The following CDH12 variants were observed in gnomAD, a reference collection of about 807,000 sequenced individuals.
The protein encoded by CDH12 is cadherin 12.
Under a neutral mutation model 74.1 loss-of-function variants are expected in CDH12, and 41 were observed. That is an observed-to-expected ratio of 0.55 (90% confidence interval 0.43 to 0.72). The LOEUF (loss-of-function observed/expected upper bound fraction) is 0.72, where lower values mean the gene tolerates loss of function less well. Among genes scored for constraint, CDH12 ranks in the 30% least tolerant of loss-of-function variants. The pLI is 0.00. For synonymous variants in CDH12, 399 were observed against 355.0 expected, an observed-to-expected ratio of 1.12 and a Z score of -1.39; for missense variants, 945 against 977.2, an observed-to-expected ratio of 0.97 and a Z score of 0.44.
intron 1 of CDH12, among the ~76,000 whole-genome samples, chr5:22,593,101 G>A (rs900056570): frequency 9.2e-5 from 14 of 151,520 alleles, no homozygotes; most frequent in African/African-American, 3.1e-4. Context: ...AAGATTCAGC[G>A]ATCTTGTACT....
chr5:22,240,798 T>G (rs1752722352), intron 3 of CDH12, among the ~76,000 whole-genome samples: 1 of 152,148 alleles, frequency 6.6e-6, no homozygotes, highest in Non-Finnish European at 1.5e-5. Flanking sequence ...CCTCCCAAAG[T>G]GCTGGGATTA....
At chr5:22,844,728 A>T (rs1161785159) in intron 1 of CDH12, among the ~76,000 whole-genome samples, 1 of 152,178 alleles carries the variant, frequency 6.6e-6, no homozygotes, top group East Asian at 1.9e-4. Flanking sequence ...GACTTTCATA[A>T]TGCAATTAAA....
intron 4 of CDH12, among the ~76,000 whole-genome samples, chr5:22,099,528 C>A (rs1744011091): frequency 6.6e-6 from 1 of 152,160 alleles, no homozygotes; most frequent in Non-Finnish European, 1.5e-5. Context: ...GCCCCAGTCT[C>A]ATTCCAGACA....
intron 4 of CDH12, among the ~76,000 whole-genome samples, chr5:22,122,749 C>T (rs1159591159): frequency 6.6e-6 from 1 of 152,218 alleles, no homozygotes; most frequent in Non-Finnish European, 1.5e-5. Context: ...GTTTAATCAG[C>T]TGAAGGCTTG....
At chr5:22,063,109 A>G (rs7445941) in intron 5 of CDH12, among the ~76,000 whole-genome samples, 55,742 of 152,050 alleles carry the variant, frequency 0.37, 12,871 homozygotes, top group African/African-American at 0.66. Flanking sequence ...AAAATTAAGT[A>G]TGAATTGAGA....
At chr5:22,036,580 G>A (rs1455652247) in intron 5 of CDH12, among the ~76,000 whole-genome samples, 5 of 152,138 alleles carry the variant, frequency 3.3e-5, no homozygotes, top group South Asian at 2.1e-4. Flanking sequence ...GTGTGCGTGC[G>A]TGTGTGTTTT....
At chr5:22,028,110 T>C (rs1339161162) in intron 5 of CDH12, among the ~76,000 whole-genome samples, 1 of 152,138 alleles carries the variant, frequency 6.6e-6, no homozygotes, top group Non-Finnish European at 1.5e-5. Flanking sequence ...TCAGTTTCCA[T>C]GTAGTTGAGA....
chr5:21,893,936 T>A (rs955951328), intron 6 of CDH12, among the ~76,000 whole-genome samples: 4 of 152,060 alleles, frequency 2.6e-5, no homozygotes, highest in African/African-American at 9.7e-5. Flanking sequence ...GGTATTTGAG[T>A]TTTTTATTTT....
At chr5:22,187,892 T>C (rs1750055491) in intron 4 of CDH12, among the ~76,000 whole-genome samples, 2 of 152,170 alleles carry the variant, frequency 1.3e-5, no homozygotes, top group Non-Finnish European at 1.5e-5. Context: ...GCAGGTGGAA[T>C]ACAACTGAAA....
chr5:21,800,603 G>T (rs1397358930), intron 10 of CDH12, among the ~76,000 whole-genome samples: 2 of 152,138 alleles, frequency 1.3e-5, no homozygotes, highest in Non-Finnish European at 2.9e-5. Context: ...GGATCTGCTG[G>T]TCGCTTGATC....
chr5:22,816,367 C>T (rs1335489209), intron 1 of CDH12, among the ~76,000 whole-genome samples: 1 of 152,048 alleles, frequency 6.6e-6, no homozygotes, highest in Non-Finnish European at 1.5e-5. Flanking sequence ...CTATTTCTTC[C>T]TAGACTGCCA....
chr5:22,673,874 T>C (rs958513787), intron 1 of CDH12, among the ~76,000 whole-genome samples: 3 of 152,198 alleles, frequency 2.0e-5, no homozygotes, highest in Non-Finnish European at 4.4e-5. Context: ...CTCTAAATAG[T>C]ACACTTAATT....
chr5:22,579,317 G>C (rs1006356985), intron 1 of CDH12, among the ~76,000 whole-genome samples: 28 of 151,952 alleles, frequency 1.8e-4, no homozygotes, highest in African/African-American at 6.5e-4. Context: ...ATGTTATAAG[G>C]TCAACAATTG....
chr5:22,838,198 C>T (rs1292790645), intron 1 of CDH12, among the ~76,000 whole-genome samples: 1 of 152,108 alleles, frequency 6.6e-6, no homozygotes, highest in Non-Finnish European at 1.5e-5. Context: ...TCTCTATTTC[C>T]TTGGCTGTAG....
intron 1 of CDH12, among the ~76,000 whole-genome samples, chr5:22,797,155 G>A (rs1248797450): frequency 7.0e-6 from 1 of 142,300 alleles, no homozygotes; most frequent in Non-Finnish European, 1.5e-5. Flanking sequence ...TGAGGGTGGA[G>A]CCCCCATGAA....
chr5:22,515,787 C>A, intron 1 of CDH12, among the ~76,000 whole-genome samples: 1 of 151,974 alleles, frequency 6.6e-6, no homozygotes, highest in East Asian at 1.9e-4. Flanking sequence ...TGTGAAAGAT[C>A]AAAGTGTAAG....
chr5:21,759,810 A>G (rs1332287480), intron 13 of CDH12, among the ~76,000 whole-genome samples: 1 of 151,970 alleles, frequency 6.6e-6, no homozygotes, highest in East Asian at 1.9e-4. Flanking sequence ...CCCAATAGTT[A>G]TCTTTTCTGC....
At chr5:22,454,484 T>C (rs979868104) in intron 2 of CDH12, among the ~76,000 whole-genome samples, 2 of 151,732 alleles carry the variant, frequency 1.3e-5, no homozygotes, top group East Asian at 1.9e-4. Flanking sequence ...AGATTTTTCT[T>C]TTTTTTTGAG....
chr5:22,616,700 G>A (rs531975773), intron 1 of CDH12, among the ~76,000 whole-genome samples: 1 of 152,018 alleles, frequency 6.6e-6, no homozygotes, highest in Non-Finnish European at 1.5e-5. Flanking sequence ...GGAGGGTAAA[G>A]GAGGGAGGGG....
Sources: gnomAD v4.1 joint callset for allele counts (sites outside exome capture counted in the v4.1 genomes callset) on GRCh38, gnomAD v4.1.1 for gene constraint, MANE v1.5 for transcripts, NCBI Gene and HGNC (gene_info 2026-07-23, HGNC 2026-07-21) for gene names.